PTPRE: variants seen among roughly 807,000 people sequenced by gnomAD.
The protein encoded by PTPRE is receptor-type tyrosine-protein phosphatase epsilon.
In PTPRE, 51 loss-of-function variants were observed where a neutral mutation model predicts 102.0. The observed-to-expected ratio is 0.50, with a 90% CI of 0.40 to 0.63. The LOEUF is 0.63. PTPRE is among the 30% of genes least tolerant of loss of function. The pLI is 0.00. For missense variants in PTPRE, 752 were observed against 915.1 expected (o/e 0.82, Z 2.30); for synonymous variants, 345 against 348.2 (o/e 0.99, Z 0.10).
intron 1 of PTPRE, among the ~76,000 whole-genome samples, chr10:127,950,438 G>A (rs1288547019): frequency 6.6e-6 from 1 of 152,146 alleles, no homozygotes; most frequent in African/African-American, 2.4e-5. Context: ...TAGGGAGGCT[G>A]GAATGCTAGA....
intron 7 of PTPRE, among the ~76,000 whole-genome samples, chr10:128,060,732 A>C (rs1432897509): frequency 2.0e-5 from 3 of 152,220 alleles, no homozygotes; most frequent in Non-Finnish European, 4.4e-5. Context: ...TCACCAAAGC[A>C]GGTGCATTCT....
chr10:128,070,167 C>G lies in PTPRE; in HGVS notation c.1144-134C>G, dbSNP rs1243878333. 2.8e-6 allele frequency: 3 copies of G among 1,086,902 alleles called. No homozygotes were observed. The highest frequency in any genetic ancestry group is 3.2e-5 in the African/African-American group (2 of 62,660). The allele number at this position is 1,086,902 out of a possible 1,614,324, so 67.3% of individuals were successfully genotyped here. On this transcript the variant is annotated intron_variant, in intron 13 of 20. Coordinates refer to ENST00000254667, the MANE Select transcript of PTPRE (RefSeq NM_006504.6). This position sits in a 1 kb window ranked among gnomAD's most constrained non-coding sequence, Gnocchi z 4.8. ...TCGTTATCCGTGGCCGGTACTCTGA[C>G]TCTTGCCTCACACCTCCTTGTGTTG...
chr10:127,958,891 C>CTTTT (rs572936097), intron 1 of PTPRE, among the ~76,000 whole-genome samples: 3 of 120,872 alleles, frequency 2.5e-5, no homozygotes, highest in Non-Finnish European at 3.5e-5. Context: ...TTCAACTTGC[C>CTTTT]TTTTTTTTTT....
chr10:127,948,218 C>G (rs1848761943), intron 1 of PTPRE, among the ~76,000 whole-genome samples: 1 of 152,060 alleles, frequency 6.6e-6, no homozygotes, highest in Admixed American at 6.6e-5. Flanking sequence ...CACCATCACC[C>G]CCTCCTTTTT....
intron 3 of PTPRE, among the ~76,000 whole-genome samples, chr10:128,046,219 G>A (rs1056440483): frequency 3.9e-5 from 6 of 152,198 alleles, no homozygotes; most frequent in East Asian, 1.9e-4. Context: ...GGTGCAAGGC[G>A]GAAGGCATGA....
Position 128,070,781 on chromosome 10 carries a change from G to C in PTPRE, c.1294-27G>C, listed in dbSNP as rs1012430950. ...GCTCAGGAGTGTCAGAGGTTTAACT[G>C]TGTCATTATATCCTTCTCTGCTGCA... On this transcript the variant is annotated intron_variant, in intron 14 of 20. Coordinates refer to ENST00000254667, the MANE Select transcript of PTPRE (RefSeq NM_006504.6). This position sits in a 1 kb window ranked among gnomAD's most constrained non-coding sequence, Gnocchi z 4.8. 6.2e-7 allele frequency: 1 copy of C among 1,600,492 alleles called. No homozygotes were observed. Among genetic ancestry groups the C allele is most frequent in the African/African-American group, 1.3e-5 (1 of 74,758 alleles).
chr10:127,985,818 C>T (rs144088652), intron 2 of PTPRE, among the ~76,000 whole-genome samples: 3,014 of 150,852 alleles, frequency 0.02, 95 homozygotes, highest in African/African-American at 0.07. Flanking sequence ...AGGCCGGGTG[C>T]GGTGGCTCAC....
At chr10:128,067,438 TCACACATGCA>T (rs1489092900) in intron 11 of PTPRE, among the ~76,000 whole-genome samples, 2 of 143,958 alleles carry the variant, frequency 1.4e-5, no homozygotes, top group Non-Finnish European at 3.0e-5. Context: ...GCACCCACAT[TCACACATGCA>T]CACACATGCA....
chr10:128,005,039 T>G (rs1854379069), intron 2 of PTPRE, among the ~76,000 whole-genome samples: 1 of 152,274 alleles, frequency 6.6e-6, no homozygotes, highest in African/African-American at 2.4e-5. Flanking sequence ...AATGACTTCT[T>G]TGGAGAAGCG....
At chr10:127,982,792 G>A (rs1564847694) in intron 2 of PTPRE, among the ~76,000 whole-genome samples, 3 of 152,182 alleles carry the variant, frequency 2.0e-5, no homozygotes, top group South Asian at 2.1e-4. Context: ...CAGTGGTGTC[G>A]CATAATTTTA....
rs1851830745 is a variant in PTPRE at position 128,082,703 on chromosome 10, T to C, written c.2029-129T>C. 5.7e-6 allele frequency: 6 copies of C among 1,056,198 alleles called. No individual in the cohort carries two copies. In the South Asian group the frequency reaches 9.5e-5, roughly 17 times the overall value. The allele number at this position is 1,056,198 out of a possible 1,614,324, so 65.4% of individuals were successfully genotyped here. On this transcript the variant is annotated intron_variant, in intron 20 of 20. Coordinates refer to ENST00000254667, the MANE Select transcript of PTPRE (RefSeq NM_006504.6). ...TGTGCCTAAAAACTAAATTACGATGTGCATAAAGGTATATGGTATTTTAAT... is the reference window on the plus strand; with the variant it reads ...TGTGCCTAAAAACTAAATTACGATGCGCATAAAGGTATATGGTATTTTAAT...
In PTPRE at chr10:127,944,138, G is replaced by T. The variant is rs73376131; in HGVS notation, c.-31+36829G>T. On this transcript the variant is annotated intron_variant, in intron 1 of 20. Transcript: ENST00000254667. This position sits in a 1 kb window ranked among gnomAD's most constrained non-coding sequence, Gnocchi z 4.2. ...GAGAGTGGCAGCAAATCATGGTTCTGCTGCTGGAAGGACTGAAGTCCAGGG... is the reference window on the plus strand; with the variant it reads ...GAGAGTGGCAGCAAATCATGGTTCTTCTGCTGGAAGGACTGAAGTCCAGGG... 0.018 allele frequency among the ~76,000 whole-genome samples: 2,744 copies of T among 152,258 alleles called. 80 individuals are homozygous for T. Among genetic ancestry groups the T allele is most frequent in the African/African-American group, 0.062 (2,594 of 41,520 alleles).
intron 1 of PTPRE, among the ~76,000 whole-genome samples, chr10:127,975,535 C>T (rs1851085015): frequency 6.6e-6 from 1 of 152,170 alleles, no homozygotes; most frequent in Non-Finnish European, 1.5e-5. Flanking sequence ...CAACCAGGCC[C>T]TTCACACACA....
At chr10:128,053,949 C>T (rs890009726) in intron 6 of PTPRE, among the ~76,000 whole-genome samples, 4 of 151,920 alleles carry the variant, frequency 2.6e-5, no homozygotes, top group African/African-American at 4.8e-5. Flanking sequence ...TTAGTAGAGA[C>T]GGGGTTTCAC....
chr10:127,935,838 T>G (rs1046317683), intron 1 of PTPRE: 13 of 152,198 alleles, frequency 8.5e-5, no homozygotes, highest in Admixed American at 3.3e-4. Context: ...GAAGGGGTGA[T>G]GCAAAGGGGT....
chr10:127,936,064 C>T (rs1847826471), intron 1 of PTPRE: 1 of 152,198 alleles, frequency 6.6e-6, no homozygotes, highest in Non-Finnish European at 1.5e-5. Context: ...ATAGGAAAAA[C>T]CGTCTCTGCG....
chr10:128,076,504 T>A, intron 17 of PTPRE, 99 bp from the exon 18 acceptor site: 22 of 1,205,718 alleles, frequency 1.8e-5, no homozygotes, highest in Admixed American at 8.6e-5. Context: ...TCAGATGAAA[T>A]ACATTAACTG....
intron 2 of PTPRE, among the ~76,000 whole-genome samples, chr10:127,990,344 G>A (rs1281257214): frequency 4.7e-5 from 7 of 149,906 alleles, no homozygotes; most frequent in African/African-American, 9.9e-5. Flanking sequence ...CCCAGGAGGC[G>A]GAGGTTGCAG....
intron 1 of PTPRE, among the ~76,000 whole-genome samples, chr10:127,913,901 T>A (rs1416935371): frequency 6.6e-6 from 1 of 152,176 alleles, no homozygotes; most frequent in Non-Finnish European, 1.5e-5. Context: ...ATCCTTGTCA[T>A]GGGGTAAAGC....
Sources: allele counts gnomAD v4.1 joint callset (sites outside exome capture counted in the v4.1 genomes callset), GRCh38; gene constraint gnomAD v4.1.1; non-coding constraint Gnocchi (gnomAD v3.1); transcripts MANE v1.5; gene names NCBI Gene and HGNC (gene_info 2026-07-23, HGNC 2026-07-21).